Variants in MAPKAPK2 observed in about 807,000 individuals in gnomAD.
MAPKAPK2 encodes MAP kinase-activated protein kinase 2.
In MAPKAPK2, 9 loss-of-function variants were observed where a neutral mutation model predicts 48.8. The observed-to-expected ratio is 0.18, with a 90% confidence interval of 0.11 to 0.32. The LOEUF is 0.32. Among genes scored for constraint, MAPKAPK2 ranks in the 10% least tolerant of loss-of-function variants. MAPKAPK2 has a pLI of 1.00. For synonymous variants in MAPKAPK2, 202 were observed against 190.6 expected, an observed-to-expected ratio of 1.06 and a Z score of -0.49; for missense variants, 331 against 498.3, an observed-to-expected ratio of 0.66 and a Z score of 3.20.
At chr1:206,712,536 C>T (rs1331055975) in intron 1 of MAPKAPK2, among the ~76,000 whole-genome samples, 1 of 152,176 alleles carries the variant, frequency 6.6e-6, no homozygotes, top group Non-Finnish European at 1.5e-5. Context: ...TTTTCTCCTA[C>T]TGTAATCTTT....
intron 1 of MAPKAPK2, among the ~76,000 whole-genome samples, chr1:206,717,952 C>T (rs782053438): frequency 2.0e-5 from 3 of 152,010 alleles, no homozygotes; most frequent in Non-Finnish European, 4.4e-5. Context: ...GAGGTAAATT[C>T]CTCCAGAAAA....
chr1:206,695,450 G>GTTTT (rs797043593), intron 1 of MAPKAPK2, among the ~76,000 whole-genome samples: 31 of 123,010 alleles, frequency 2.5e-4, no homozygotes, highest in African/African-American at 8.5e-4. Flanking sequence ...GCCCTGATCT[G>GTTTT]TTTTTTTTTT....
chr1:206,685,858 G>A (rs1553425529), intron 1 of MAPKAPK2, among the ~76,000 whole-genome samples: 2 of 152,148 alleles, frequency 1.3e-5, no homozygotes, highest in East Asian at 3.8e-4. Context: ...TGATTTTGGG[G>A]TTGGTGGTTC....
intron 1 of MAPKAPK2, among the ~76,000 whole-genome samples, chr1:206,695,450 GTTTTTTTT>G (rs797043593): frequency 2.4e-5 from 3 of 123,012 alleles, no homozygotes; most frequent in Non-Finnish European, 5.3e-5. Flanking sequence ...GCCCTGATCT[GTTTTTTTT>G]TTTTTTTTTG....
intron 1 of MAPKAPK2, among the ~76,000 whole-genome samples, chr1:206,706,760 G>A (rs1553428621): frequency 6.6e-6 from 1 of 152,214 alleles, no homozygotes; most frequent in South Asian, 2.1e-4. Context: ...TTGCCCGTGG[G>A]TGGGGCTTTA....
Position 206,731,010 on chromosome 1 carries a change from G to C in MAPKAPK2, c.768-128G>C, listed in dbSNP as rs1673884692. Reference sequence around the variant, plus strand: ...GGGCTTGACTTTGTATATTGTGCCTGTGTCAATAAGCCCTGATTTCTCTGT... The same window carrying C: ...GGGCTTGACTTTGTATATTGTGCCTCTGTCAATAAGCCCTGATTTCTCTGT... On this transcript the variant is annotated intron_variant, in intron 6 of 9. Coordinates refer to ENST00000367103, the MANE Select transcript of MAPKAPK2 (RefSeq NM_032960.4). This position sits in a 1 kb window ranked among gnomAD's most constrained non-coding sequence, Gnocchi z 5.9. 1.5e-6 allele frequency: 2 copies of C among 1,320,700 alleles called. No homozygotes were observed. Among genetic ancestry groups the C allele is most frequent in the African/African-American group, 2.9e-5 (2 of 69,060 alleles). The allele number at this position is 1,320,700 out of a possible 1,614,324, so 81.8% of individuals were successfully genotyped here.
At chr1:206,687,843 A>G (rs1156824713) in intron 1 of MAPKAPK2, among the ~76,000 whole-genome samples, 2 of 152,206 alleles carry the variant, frequency 1.3e-5, no homozygotes, top group African/African-American at 2.4e-5. Flanking sequence ...GGAGACCTCT[A>G]TTCTACAGTG....
intron 1 of MAPKAPK2, among the ~76,000 whole-genome samples, chr1:206,718,452 A>G (rs1298330398): frequency 6.6e-6 from 1 of 151,438 alleles, no homozygotes; most frequent in African/African-American, 2.4e-5. Flanking sequence ...GAATGACGTG[A>G]ACCCGGGAGG....
At chr1:206,714,136 A>T (rs1326888831) in intron 1 of MAPKAPK2, among the ~76,000 whole-genome samples, 8 of 152,176 alleles carry the variant, frequency 5.3e-5, no homozygotes, top group Non-Finnish European at 8.8e-5. Context: ...CCTGTCCTAG[A>T]TCCACCAAAC....
At chr1:206,688,733 G>A (rs934004081) in intron 1 of MAPKAPK2, among the ~76,000 whole-genome samples, 2 of 152,102 alleles carry the variant, frequency 1.3e-5, no homozygotes, top group African/African-American at 2.4e-5. Flanking sequence ...TGCTTCCCAG[G>A]TCCACGCCAT....
Position 206,732,501 on chromosome 1 carries a change from G to T in MAPKAPK2, c.1060-74G>T, listed in dbSNP as rs950472315. 1.9e-6 allele frequency: 3 copies of T among 1,582,150 alleles called. No homozygotes were observed. The highest frequency in any genetic ancestry group is 2.7e-5 in the African/African-American group (2 of 74,176). Reference sequence around the variant, plus strand: ...TGCCCTTGTTGTCTCTGTCTCTCACGTCTCTCTTCTGCTGTCTCTCCTACC... The same window carrying T: ...TGCCCTTGTTGTCTCTGTCTCTCACTTCTCTCTTCTGCTGTCTCTCCTACC... On this transcript the variant is annotated intron_variant, in intron 9 of 9. Coordinates refer to ENST00000367103, the MANE Select transcript of MAPKAPK2 (RefSeq NM_032960.4). This position sits in a 1 kb window ranked among gnomAD's most constrained non-coding sequence, Gnocchi z 4.4.
rs202009697 is a variant in MAPKAPK2, at chr1:206,699,975, CT to C, written c.279+14474del. ...TCGTTTCTTTCTCTCTCTCTCTCTT[CT>C]TTTTTTCTCTTTCTTTCTTCTTCTT... On this transcript the variant is annotated intron_variant, in intron 1 of 9. Coordinates refer to ENST00000367103, the MANE Select transcript of MAPKAPK2 (RefSeq NM_032960.4). Among the ~76,000 whole-genome samples, 1,144 of 133,254 alleles carry C rather than the reference CT, an allele frequency of 8.6e-3. 12 individuals are homozygous for C. Among genetic ancestry groups the C allele is most frequent in the African/African-American group, 0.029 (1,081 of 36,858 alleles). 87.4% of individuals were successfully genotyped at this position (133,254 alleles called of 152,430 possible).
At chr1:206,706,208 C>A (rs940599015) in intron 1 of MAPKAPK2, among the ~76,000 whole-genome samples, 1 of 151,884 alleles carries the variant, frequency 6.6e-6, no homozygotes, top group African/African-American at 2.4e-5. Flanking sequence ...CCCACAGGGA[C>A]AGGAGTTAGT....
At chr1:206,700,214 A>G (rs1301641578) in intron 1 of MAPKAPK2, among the ~76,000 whole-genome samples, 3 of 151,882 alleles carry the variant, frequency 2.0e-5, no homozygotes, top group South Asian at 2.1e-4. Flanking sequence ...CAGGCCAGCT[A>G]TGTCTCCAAA....
intron 1 of MAPKAPK2, among the ~76,000 whole-genome samples, chr1:206,712,962 TCACA>T (rs58379967): frequency 0.03 from 3,401 of 112,270 alleles, 62 homozygotes; most frequent in South Asian, 0.077. Context: ...TGAGACTCCA[TCACA>T]CACACACACA....
rs781831820 is a variant in MAPKAPK2 at position 206,732,001 on chromosome 1, G to A, written c.1059+82G>A. 7 of 1,613,970 alleles carry A rather than the reference G, an allele frequency of 4.3e-6. No individual in the cohort carries two copies. Among genetic ancestry groups the A allele is most frequent in the Non-Finnish European group, 5.9e-6 (7 of 1,180,018 alleles). ...GTGCCCAGGTGTGAGGCGTGGTGCTGGTAGGGGAGAGCTTGATTCTGCCTC... is the reference window on the plus strand; with the variant it reads ...GTGCCCAGGTGTGAGGCGTGGTGCTAGTAGGGGAGAGCTTGATTCTGCCTC... On this transcript the variant is annotated intron_variant, in intron 9 of 9. Coordinates refer to ENST00000367103, the MANE Select transcript of MAPKAPK2 (RefSeq NM_032960.4). The surrounding 1 kb of genome is among the most constrained non-coding windows in gnomAD (Gnocchi z 4.4).
rs1418941652 is a variant in MAPKAPK2, at chr1:206,685,647, C to A, written c.279+139C>A. 1.0e-5 allele frequency: 6 copies of A among 593,148 alleles called. No individual in the cohort carries two copies. The African/African-American group carries it at 1.0e-4, about 10-fold the overall frequency. The allele number at this position is 593,148 out of a possible 1,614,324, so 36.7% of individuals were successfully genotyped here. ...GCGGGGCGGGGCGGGGCGGCCGGGC[C>A]GGCGGTGCCGAGTGCGGCGCGGGCG... On this transcript the variant is annotated intron_variant, in intron 1 of 9. Coordinates refer to ENST00000367103, the MANE Select transcript of MAPKAPK2 (RefSeq NM_032960.4).
At chr1:206,715,631 T>TTC (rs1673303791) in intron 1 of MAPKAPK2, among the ~76,000 whole-genome samples, 1 of 144,142 alleles carries the variant, frequency 6.9e-6, no homozygotes, top group South Asian at 2.1e-4. Flanking sequence ...CTTTCTTTCT[T>TTC]TTTTTTTTTT....
At position 206,692,616 on chromosome 1, in the gene MAPKAPK2, T is replaced by C. The variant is rs371693215; in HGVS notation, c.279+7108T>C. On this transcript the variant is annotated intron_variant, in intron 1 of 9. Transcript: ENST00000367103. ...AAAGGTTCTTGGGGTCTTTATTGTC[T>C]GATCAGTAAACACCTCTGTGTGCCA... 2.6e-5 allele frequency among the ~76,000 whole-genome samples: 4 copies of C among 152,212 alleles called. No homozygotes were observed. The East Asian group carries it at 5.8e-4, about 22-fold the overall frequency.
Sources: gnomAD v4.1 joint callset for allele counts (sites outside exome capture counted in the v4.1 genomes callset) on GRCh38, gnomAD v4.1.1 for gene constraint, Gnocchi (gnomAD v3.1) non-coding constraint, MANE v1.5 for transcripts, NCBI Gene and HGNC (gene_info 2026-07-23, HGNC 2026-07-21) for gene names.